The following ERBB4 variants were observed in gnomAD, a reference collection of about 807,000 sequenced individuals.
The protein encoded by ERBB4 is receptor tyrosine-protein kinase erbB-4.
ERBB4 carries 42 observed loss-of-function variants against 158.0 expected under a neutral mutation model. That is an observed-to-expected ratio of 0.27 (90% CI 0.21 to 0.34). The LOEUF (loss-of-function observed/expected upper bound fraction) is 0.34, where lower values mean the gene tolerates loss of function less well. Among genes scored for constraint, ERBB4 ranks in the 10% least tolerant of loss-of-function variants. The pLI is 1.00. For missense variants in ERBB4, 1,333 were observed against 1,624.1 expected (o/e 0.82, Z 3.08); for synonymous variants, 583 against 558.7 (o/e 1.04, Z -0.61).
intron 20 of ERBB4, among the ~76,000 whole-genome samples, chr2:211,462,816 A>G (rs1170576633): frequency 6.6e-6 from 1 of 152,196 alleles, no homozygotes; most frequent in Non-Finnish European, 1.5e-5. Flanking sequence ...AATAGTTCAT[A>G]TTGAATCTGA....
chr2:211,435,503 G>A (rs2063829975), intron 20 of ERBB4, among the ~76,000 whole-genome samples: 1 of 152,196 alleles, frequency 6.6e-6, no homozygotes, highest in Non-Finnish European at 1.5e-5. Context: ...GGGCCATGGA[G>A]CAGCACTGGT....
intron 4 of ERBB4, among the ~76,000 whole-genome samples, chr2:211,780,700 G>A (rs2076012731): frequency 6.6e-6 from 1 of 152,142 alleles, no homozygotes; most frequent in African/African-American, 2.4e-5. Context: ...TTTAGATTCT[G>A]TTAGTTCTCT....
intron 2 of ERBB4, among the ~76,000 whole-genome samples, chr2:211,950,304 T>C (rs1047245366): frequency 1.3e-5 from 2 of 152,140 alleles, no homozygotes; most frequent in Non-Finnish European, 2.9e-5. Context: ...CCTGGACATG[T>C]AGGCTAGAGT....
intron 1 of ERBB4, among the ~76,000 whole-genome samples, chr2:212,441,992 G>C (rs938947212): frequency 6.6e-6 from 1 of 152,204 alleles, no homozygotes; most frequent in Non-Finnish European, 1.5e-5. Flanking sequence ...AGATCTAAGA[G>C]TGGGAACCAC....
intron 3 of ERBB4, among the ~76,000 whole-genome samples, chr2:211,848,225 C>A (rs13035912): frequency 0.22 from 32,894 of 151,918 alleles, 3,656 homozygotes; most frequent in South Asian, 0.33. Flanking sequence ...AAAGTGGGTC[C>A]ATTTCTGGGT....
chr2:211,494,694 G>A (rs1025666158), intron 20 of ERBB4, among the ~76,000 whole-genome samples: 7 of 152,206 alleles, frequency 4.6e-5, no homozygotes, highest in Admixed American at 2.0e-4. Context: ...TTTAAAAGGC[G>A]TTTGTTGTGA....
intron 5 of ERBB4, among the ~76,000 whole-genome samples, chr2:211,725,816 GA>G (rs1456770687): frequency 7.0e-6 from 1 of 142,270 alleles, no homozygotes; most frequent in African/African-American, 2.5e-5. Context: ...TATTTTACAC[GA>G]GGAAAGAAAG....
Position 211,562,132 on chromosome 2 carries a change from CTTAGAT to C in ERBB4, c.2302-50_2302-45del, listed in dbSNP as rs1488494665. On this transcript the variant is annotated intron_variant, in intron 19 of 27. Coordinates refer to ENST00000342788, the MANE Select transcript of ERBB4 (RefSeq NM_005235.3). The stretch of plus-strand genomic sequence containing the variant: ...ATACCATGATTTCAACTCAAATTTT[CTTAGAT>C]TTAGAGTTACTTGGATTGTACTAAT... The C allele has an allele frequency of 3.2e-6, 5 of 1,567,726 alleles. No homozygotes were observed. In the African/African-American group the frequency reaches 6.7e-5, roughly 21 times the overall value.
chr2:211,991,866 G>A (rs1331564609), intron 2 of ERBB4, among the ~76,000 whole-genome samples: 1 of 152,158 alleles, frequency 6.6e-6, no homozygotes. Context: ...GTTTTCAGTA[G>A]AAGTACAATG....
intron 1 of ERBB4, among the ~76,000 whole-genome samples, chr2:212,232,101 G>C (rs2083684471): frequency 6.6e-6 from 1 of 152,092 alleles, no homozygotes; most frequent in Non-Finnish European, 1.5e-5. Flanking sequence ...CTTCTCATCT[G>C]TCAAGTGGGT....
At chr2:211,517,506 A>G (rs2066068784) in intron 20 of ERBB4, among the ~76,000 whole-genome samples, 1 of 152,148 alleles carries the variant, frequency 6.6e-6, no homozygotes, top group Admixed American at 6.5e-5. Flanking sequence ...TACAAACTAA[A>G]AAAAGAACAT....
chr2:212,408,136 T>A (rs1408121914), intron 1 of ERBB4, among the ~76,000 whole-genome samples: 3 of 152,102 alleles, frequency 2.0e-5, no homozygotes, highest in Admixed American at 6.6e-5. Flanking sequence ...TGCAGGTTTG[T>A]TACATAGGTA....
At chr2:211,811,527 G>T (rs950672662) in intron 3 of ERBB4, among the ~76,000 whole-genome samples, 1 of 151,986 alleles carries the variant, frequency 6.6e-6, no homozygotes, top group African/African-American at 2.4e-5. Flanking sequence ...TCTTTGTGAG[G>T]TTCTCTGTAT....
intron 3 of ERBB4, among the ~76,000 whole-genome samples, chr2:211,846,498 A>AG (rs2077592910): frequency 6.6e-6 from 1 of 152,116 alleles, no homozygotes; most frequent in Non-Finnish European, 1.5e-5. Context: ...TATTAAAAAG[A>AG]GAGCGCTATG....
chr2:212,241,055 A>T (rs2084084956), intron 1 of ERBB4, among the ~76,000 whole-genome samples: 1 of 152,162 alleles, frequency 6.6e-6, no homozygotes, highest in Admixed American at 6.5e-5. Context: ...TATTTCCAGG[A>T]AATAACTAGA....
At chr2:211,719,628 G>T (rs1344365205) in intron 7 of ERBB4, among the ~76,000 whole-genome samples, 1 of 151,992 alleles carries the variant, frequency 6.6e-6, no homozygotes, top group Non-Finnish European at 1.5e-5. Flanking sequence ...GGCCGAGGCG[G>T]GCTAATCACA....
intron 2 of ERBB4, among the ~76,000 whole-genome samples, chr2:212,003,170 AAAGAAAGAAAG>A (rs1277930264): frequency 1.8e-4 from 6 of 33,444 alleles, no homozygotes; most frequent in African/African-American, 3.5e-4. Flanking sequence ...AGAAAGAAAG[AAAGAAAGAAAG>A]AAAGAAAGAA....
chr2:211,778,483 C>T (rs1040306822), intron 4 of ERBB4: 3 of 152,122 alleles, frequency 2.0e-5, no homozygotes, highest in Admixed American at 1.3e-4. Context: ...GATACTAATC[C>T]TAATTGGGAG....
chr2:211,678,793 C>T (rs947042991), intron 13 of ERBB4, among the ~76,000 whole-genome samples: 3 of 151,700 alleles, frequency 2.0e-5, no homozygotes, highest in Non-Finnish European at 4.4e-5. Flanking sequence ...GGTGAAACCC[C>T]GTCTCTACTA....
Sources: allele counts gnomAD v4.1 joint callset (sites outside exome capture counted in the v4.1 genomes callset), GRCh38; gene constraint gnomAD v4.1.1; transcripts MANE v1.5; gene names NCBI Gene and HGNC (gene_info 2026-07-23, HGNC 2026-07-21).